The following PTPN2 variants were observed in gnomAD, a reference collection of about 807,000 sequenced individuals.
PTPN2 encodes the protein protein tyrosine phosphatase non-receptor type 2.
A neutral mutation model predicts 57.3 loss-of-function variants in PTPN2; 19 were observed. The observed-to-expected ratio is 0.33, with a 90% CI of 0.23 to 0.49. The LOEUF (loss-of-function observed/expected upper bound fraction) is 0.49. Ranked by LOEUF, PTPN2 falls within the 20% of genes least tolerant of loss-of-function variation. The pLI, the probability that PTPN2 is intolerant of heterozygous loss-of-function variation, is 0.99. For synonymous variants in PTPN2, 153 were observed against 164.9 expected (o/e 0.93, Z 0.55); for missense variants, 358 against 501.1 (o/e 0.71, Z 2.73).
At chr18:12,826,317 C>A (rs566961061) in intron 4 of PTPN2, among the ~76,000 whole-genome samples, 4 of 152,046 alleles carry the variant, frequency 2.6e-5, no homozygotes, top group African/African-American at 9.7e-5. Context: ...GCAGGAGAAT[C>A]GCTTGAACCC....
Position 12,794,179 on chromosome 18 carries a change from C to G in PTPN2, c.*99G>C. On this transcript the variant is annotated 3_prime_UTR_variant, in exon 9 of 9. Coordinates refer to ENST00000309660, the MANE Select transcript of PTPN2 (RefSeq NM_002828.4). ...CTGGTTGATGTCTATTCTACTGCACCGTTTTTGGGATATGAGGCGTTTGCT... is the reference window on the plus strand; with the variant it reads ...CTGGTTGATGTCTATTCTACTGCACGGTTTTTGGGATATGAGGCGTTTGCT... 6.5e-7 allele frequency: 1 copy of G among 1,548,662 alleles called. No homozygotes were observed. Among genetic ancestry groups the G allele is most frequent in the Admixed American group, 2.0e-5 (1 of 50,116 alleles).
intron 1 of PTPN2, among the ~76,000 whole-genome samples, chr18:12,867,964 CAT>C (rs1253128400): frequency 6.6e-6 from 1 of 152,202 alleles, no homozygotes; most frequent in Non-Finnish European, 1.5e-5. Flanking sequence ...TGTCTAACAA[CAT>C]ATGTTTGGTC....
intron 2 of PTPN2, among the ~76,000 whole-genome samples, chr18:12,840,124 CAAG>C (rs1457511241): frequency 6.6e-6 from 1 of 152,150 alleles, no homozygotes; most frequent in Non-Finnish European, 1.5e-5. Flanking sequence ...ACAAGTCAGG[CAAG>C]AAGATGACCA....
At chr18:12,849,733 CAT>C (rs1282311285) in intron 2 of PTPN2, among the ~76,000 whole-genome samples, 2 of 152,170 alleles carry the variant, frequency 1.3e-5, no homozygotes, top group Middle Eastern at 6.8e-3. Context: ...TATTATGAAA[CAT>C]ACCGGTAAAA....
intron 4 of PTPN2, among the ~76,000 whole-genome samples, chr18:12,828,865 G>A (rs1187124473): frequency 1.3e-5 from 2 of 152,084 alleles, no homozygotes; most frequent in Non-Finnish European, 2.9e-5. Flanking sequence ...AAGAGTTTGA[G>A]ATGAGCCTGA....
Position 12,817,222 on chromosome 18 carries a change from C to A in PTPN2, c.639G>T (p.Val213=). 6.2e-7 allele frequency: 1 copy of A among 1,614,148 alleles called. No homozygotes were observed. The highest frequency in any genetic ancestry group is 8.5e-7 in the Non-Finnish European group (1 of 1,180,024). Residue 213 remains valine, a synonymous_variant, in exon 6 of 9, where the codon GTG becomes GTT. Transcript: ENST00000309660. ...GCCCAATGCCTGCACTACAGTGGAT[C>A]ACCGCAGGCCCATGGTCAGGGTTCA... ...GSLNPDHGPA[V]IHCSAGIGRS... is the part of the protein sequence containing the mutation.
intron 1 of PTPN2, among the ~76,000 whole-genome samples, chr18:12,875,196 G>C (rs1489794911): frequency 6.6e-6 from 1 of 152,006 alleles, no homozygotes; most frequent in Non-Finnish European, 1.5e-5. Flanking sequence ...CCTCTGCCTA[G>C]GAAAACCAGA....
intron 1 of PTPN2, among the ~76,000 whole-genome samples, chr18:12,874,644 G>A (rs1480973975): frequency 1.5e-5 from 2 of 134,694 alleles, no homozygotes; most frequent in Admixed American, 1.5e-4. Context: ...GGGGGGGTCA[G>A]CCCCCCGCCC....
intron 1 of PTPN2, among the ~76,000 whole-genome samples, chr18:12,860,528 C>G (rs2043767079): frequency 6.6e-6 from 1 of 152,108 alleles, no homozygotes; most frequent in Non-Finnish European, 1.5e-5. Context: ...AACCGGGTGG[C>G]TGAGGTTGCA....
downstream of PTPN2, chr18:12,787,331 T>C (rs2040868160): frequency 6.6e-6 from 1 of 152,226 alleles, no homozygotes; most frequent in South Asian, 2.1e-4. Flanking sequence ...GCAGAGTGAA[T>C]CTCAGTTCTG....
chr18:12,801,921 T>C lies in PTPN2; in HGVS notation c.1040+49A>G, dbSNP rs1361505645. 3.4e-6 allele frequency: 5 copies of C among 1,489,708 alleles called. No individual in the cohort carries two copies. The South Asian group carries it at 6.5e-5, about 19-fold the overall frequency. The allele number at this position is 1,489,708 out of a possible 1,614,324, so 92.3% of individuals were successfully genotyped here. On this transcript the variant is annotated intron_variant, in intron 8 of 8. Transcript: ENST00000309660. ...GCACCTGGTCCCATAAAATTTATTT[T>C]TAAAATAAAAAAGCCTCATCTTTCA... is the stretch of plus-strand genomic sequence containing the variant.
In PTPN2 at chr18:12,794,488, A is replaced by G. The variant is rs370712319; in HGVS notation, c.1041-3T>C. On this transcript the variant is annotated splice_polypyrimidine_tract_variant and splice_region_variant and intron_variant, in intron 8 of 8. Transcript: ENST00000309660. ...CTCGAATACGTTTCCGTAGAGCACT[A>G]TGAGGAAATAAAAACAAGTGAAAGG... The G allele has an allele frequency of 2.5e-6, 4 of 1,611,810 alleles. No individual in the cohort carries two copies. The highest frequency in any genetic ancestry group is 3.4e-6 in the Non-Finnish European group (4 of 1,179,914).
In PTPN2 at chr18:12,793,023, T is replaced by C. The variant is rs898238055; in HGVS notation, c.*1255A>G. On this transcript the variant is annotated 3_prime_UTR_variant, in exon 9 of 9. Transcript: ENST00000309660. Reference sequence around the variant, plus strand: ...CCTCTTGACCCACCTGGACATCCAATGAGCATAGTTTGAAAACCACTGAAA... The same window carrying C: ...CCTCTTGACCCACCTGGACATCCAACGAGCATAGTTTGAAAACCACTGAAA... 4 of 985,262 alleles carry C rather than the reference T, an allele frequency of 4.1e-6. No individual in the cohort carries two copies. Among genetic ancestry groups the C allele is most frequent in the South Asian group, 4.7e-5 (1 of 21,290 alleles). The allele number at this position is 985,262 out of a possible 1,614,324, so 61.0% of individuals were successfully genotyped here. A position where few individuals can be genotyped will look rare whatever the true frequency, so the allele number is the denominator to read the frequency against.
chr18:12,827,069 C>T (rs1302442225), intron 4 of PTPN2, among the ~76,000 whole-genome samples: 4 of 151,974 alleles, frequency 2.6e-5, no homozygotes, highest in African/African-American at 4.8e-5. Flanking sequence ...GCTGGCCAAG[C>T]GCGGTGGCTC....
intron 2 of PTPN2, among the ~76,000 whole-genome samples, chr18:12,842,661 C>T (rs540651762): frequency 1.2e-4 from 18 of 152,228 alleles, no homozygotes; most frequent in South Asian, 8.3e-4. Flanking sequence ...GCTGGAGCCA[C>T]GGGGACAAAG....
chr18:12,856,819 G>C (rs532127327), intron 2 of PTPN2, among the ~76,000 whole-genome samples: 1 of 152,138 alleles, frequency 6.6e-6, no homozygotes, highest in South Asian at 2.1e-4. Context: ...CAGCACTTTG[G>C]GAGACTGAAG....
chr18:12,856,897 T>C (rs2043607156), intron 2 of PTPN2, among the ~76,000 whole-genome samples: 2 of 151,584 alleles, frequency 1.3e-5, no homozygotes, highest in Non-Finnish European at 2.9e-5. Flanking sequence ...CCATCTCTAC[T>C]AAAAATACAA....
intron 7 of PTPN2, among the ~76,000 whole-genome samples, chr18:12,802,372 A>T (rs910123677): frequency 6.6e-5 from 10 of 152,338 alleles, no homozygotes; most frequent in African/African-American, 2.4e-4. Context: ...GTATTTATGT[A>T]CATGAGTATA....
At chr18:12,805,922 C>T (rs551231565) in intron 7 of PTPN2, among the ~76,000 whole-genome samples, 5 of 152,212 alleles carry the variant, frequency 3.3e-5, no homozygotes, top group Non-Finnish European at 4.4e-5. Context: ...GCCACCGCAC[C>T]GGGCTAGGAT....
Sources: allele counts gnomAD v4.1 joint callset (sites outside exome capture counted in the v4.1 genomes callset), GRCh38; gene constraint gnomAD v4.1.1; transcripts MANE v1.5; gene names NCBI Gene and HGNC (gene_info 2026-07-23, HGNC 2026-07-21).